NKAIN3: variants seen among roughly 807,000 people sequenced by gnomAD.
The protein encoded by NKAIN3 is sodium/potassium-transporting ATPase subunit beta-1-interacting protein 3.
NKAIN3 carries 25 observed loss-of-function variants against 30.2 expected under a neutral mutation model. The ratio of observed to expected loss-of-function variants is 0.83; its 90% CI spans 0.60 to 1.16. NKAIN3 has a LOEUF of 1.16. Among genes scored for constraint, NKAIN3 ranks in the 50% most tolerant of loss-of-function variants. The pLI is 0.00. For missense variants in NKAIN3, 225 were observed against 254.1 expected, an observed-to-expected ratio of 0.89 and a Z score of 0.78; for synonymous variants, 91 against 89.6, an observed-to-expected ratio of 1.02 and a Z score of -0.09.
chr8:62,752,023 A>C (rs1165189593), intron 4 of NKAIN3, among the ~76,000 whole-genome samples: 1 of 152,206 alleles, frequency 6.6e-6, no homozygotes, highest in Non-Finnish European at 1.5e-5. Context: ...TTCAGCAACT[A>C]ATGCAGTGAT....
rs967329222 is a variant in NKAIN3 at position 62,863,791 on chromosome 8, T to C, written c.472-54662T>C. 2.5e-6 allele frequency: 4 copies of C among 1,611,206 alleles called. No individual in the cohort carries two copies. The African/African-American group carries it at 5.3e-5, about 22-fold the overall frequency. ...GCCAGACAGTAGAGAAGTGCCCCCA[T>C]CCAAGCTTTCTAATAACATGATACC... On this transcript the variant is annotated intron_variant, in intron 4 of 6. Coordinates refer to ENST00000623646, the MANE Select transcript of NKAIN3 (RefSeq NM_001304533.3).
intron 1 of NKAIN3, among the ~76,000 whole-genome samples, chr8:62,411,015 GA>G (rs1804220990): frequency 6.6e-6 from 1 of 152,190 alleles, no homozygotes; most frequent in Admixed American, 6.5e-5. Context: ...AATGGAGGCA[GA>G]GGGGCTCCTT....
At chr8:62,387,908 A>G (rs1585750252) in intron 1 of NKAIN3, among the ~76,000 whole-genome samples, 1 of 152,160 alleles carries the variant, frequency 6.6e-6, no homozygotes, top group East Asian at 1.9e-4. Flanking sequence ...GCTTCTTGTT[A>G]TCTTAGCAAA....
chr8:62,623,470 A>G (rs1007851938), intron 3 of NKAIN3, among the ~76,000 whole-genome samples: 5 of 152,114 alleles, frequency 3.3e-5, no homozygotes, highest in African/African-American at 1.2e-4. Flanking sequence ...ACATAAGTAT[A>G]TGCTTGTGTG....
intron 5 of NKAIN3, among the ~76,000 whole-genome samples, chr8:62,938,069 G>A (rs1209714307): frequency 6.6e-6 from 1 of 152,046 alleles, no homozygotes; most frequent in Non-Finnish European, 1.5e-5. Flanking sequence ...GAGAGGCTGA[G>A]CTCAGACACG....
At chr8:62,985,122 C>G (rs1166044017), downstream of NKAIN3, among the ~76,000 whole-genome samples, 2 of 152,196 alleles carry the variant, frequency 1.3e-5, no homozygotes, top group Non-Finnish European at 2.9e-5. Flanking sequence ...TTTAAATGTT[C>G]TGCAAGTGTA....
chr8:62,650,306 G>A (rs547329010), intron 3 of NKAIN3, among the ~76,000 whole-genome samples: 80 of 151,986 alleles, frequency 5.3e-4, no homozygotes, highest in African/African-American at 1.7e-3. Flanking sequence ...CTTCTGCCTC[G>A]CAATAGAGTA....
At chr8:62,289,508 C>T (rs901245850) in intron 1 of NKAIN3, among the ~76,000 whole-genome samples, 1 of 152,164 alleles carries the variant, frequency 6.6e-6, no homozygotes, top group Admixed American at 6.5e-5. Context: ...GAATCCTTTA[C>T]CCATTTCTTG....
chr8:62,877,054 G>A (rs1450135634), intron 4 of NKAIN3, among the ~76,000 whole-genome samples: 1 of 151,890 alleles, frequency 6.6e-6, no homozygotes, highest in Admixed American at 6.6e-5. Context: ...GGGTCAATTA[G>A]GAAGAACCAA....
At chr8:62,500,748 T>C (rs1187503823) in intron 1 of NKAIN3, among the ~76,000 whole-genome samples, 2 of 152,142 alleles carry the variant, frequency 1.3e-5, no homozygotes, top group East Asian at 1.9e-4. Context: ...GAGGTTGTCA[T>C]GGAGAACCAG....
chr8:62,856,426 A>T, intron 4 of NKAIN3: 1 of 791,152 alleles, frequency 1.3e-6, no homozygotes, highest in South Asian at 1.3e-5. Flanking sequence ...ATCCTCTGCT[A>T]TGCTGGTGAT....
At chr8:62,890,556 C>G (rs921072660) in intron 4 of NKAIN3, among the ~76,000 whole-genome samples, 2 of 152,164 alleles carry the variant, frequency 1.3e-5, no homozygotes, top group African/African-American at 4.8e-5. Flanking sequence ...CCTCTGTGCT[C>G]CTTATACAAT....
In NKAIN3 at chr8:62,635,074, G is replaced by A. The variant is rs935079635; in HGVS notation, c.273+45280G>A. 7.3e-4 allele frequency among the ~76,000 whole-genome samples: 111 copies of A among 152,104 alleles called. 5 individuals are homozygous for A. Among genetic ancestry groups the A allele is most frequent in the Non-Finnish European group, 2.9e-5 (2 of 68,008 alleles). On this transcript the variant is annotated intron_variant, in intron 3 of 6. Coordinates refer to ENST00000623646, the MANE Select transcript of NKAIN3 (RefSeq NM_001304533.3). ...GGGTCAACCATGAGAAAGTGGGCATGAGGGAGGAAACAAACATCACCTCTG... is the reference window on the plus strand; with the variant it reads ...GGGTCAACCATGAGAAAGTGGGCATAAGGGAGGAAACAAACATCACCTCTG...
At chr8:62,899,439 A>G (rs1821533807) in intron 4 of NKAIN3, among the ~76,000 whole-genome samples, 1 of 152,190 alleles carries the variant, frequency 6.6e-6, no homozygotes, top group African/African-American at 2.4e-5. Context: ...GTCATTTGCA[A>G]CAACATGGAT....
rs960823080 is a variant in NKAIN3, at chr8:62,965,269, C to T, written c.604-85C>T. ...CCAGGTGCACCCAGGAGCTATTTTG[C>T]ATTTCAAAAGGCCTCAATGAATATA... On this transcript the variant is annotated intron_variant, in intron 6 of 6. Coordinates refer to ENST00000623646, the MANE Select transcript of NKAIN3 (RefSeq NM_001304533.3). The T allele has an allele frequency of 6.1e-6, 6 of 984,438 alleles. No individual in the cohort carries two copies. In the African/African-American group the frequency reaches 1.0e-4, roughly 17 times the overall value. 61.0% of individuals were successfully genotyped at this position (984,438 alleles called of 1,614,324 possible). A position where few individuals can be genotyped will look rare whatever the true frequency, so the allele number is the denominator to read the frequency against.
At chr8:62,869,192 C>A (rs926403855) in intron 4 of NKAIN3, among the ~76,000 whole-genome samples, 1 of 152,150 alleles carries the variant, frequency 6.6e-6, no homozygotes, top group Non-Finnish European at 1.5e-5. Flanking sequence ...ATGTGCTCAA[C>A]GTGCAGGTTT....
At position 62,883,457 on chromosome 8, in the gene NKAIN3, G is replaced by GTTGTTTTTTTTTTTTTTTTTTTTTT; in HGVS notation, c.472-34994_472-34993insGTTTTTTTTTTTTTTTTTTTTTTTT. ...TTTATTATTTCCAGGAGTTTTATGG[G>GTTGTTTTTTTTTTTTTTTTTTTTTT]TTTTTTTTTTTTTTTTCAGATTTTC... On this transcript the variant is annotated intron_variant, in intron 4 of 6. Coordinates refer to ENST00000623646, the MANE Select transcript of NKAIN3 (RefSeq NM_001304533.3). 2.3e-4 allele frequency among the ~76,000 whole-genome samples: 16 copies of GTTGTTTTTTTTTTTTTTTTTTTTTT among 70,228 alleles called. 2 individuals carry two copies. Among genetic ancestry groups the GTTGTTTTTTTTTTTTTTTTTTTTTT allele is most frequent in the African/African-American group, 8.4e-4 (12 of 14,300 alleles). 46.1% of individuals were successfully genotyped at this position (70,228 alleles called of 152,430 possible).
intron 3 of NKAIN3, among the ~76,000 whole-genome samples, chr8:62,611,188 G>T (rs768809279): frequency 5.9e-5 from 9 of 151,846 alleles, no homozygotes; most frequent in Admixed American, 5.2e-4. Context: ...AATGTTATGG[G>T]TATATAGTAG....
intron 1 of NKAIN3, among the ~76,000 whole-genome samples, chr8:62,498,983 C>A (rs1405416315): frequency 5.3e-5 from 8 of 152,154 alleles, no homozygotes; most frequent in Non-Finnish European, 8.8e-5. Flanking sequence ...AGGTCACCTT[C>A]TGTGTAAGTT....
Sources: allele counts gnomAD v4.1 joint callset (sites outside exome capture counted in the v4.1 genomes callset), GRCh38; gene constraint gnomAD v4.1.1; transcripts MANE v1.5; gene names NCBI Gene and HGNC (gene_info 2026-07-23, HGNC 2026-07-21).